RPL3L: variants seen among roughly 807,000 people sequenced by gnomAD.
RPL3L encodes ribosomal protein uL3-like.
Under a neutral mutation model 44.5 loss-of-function variants are expected in RPL3L, and 44 were observed. The ratio of observed to expected loss-of-function variants is 0.99; its 90% CI spans 0.78 to 1.27. The LOEUF (loss-of-function observed/expected upper bound fraction) is 1.27. Among genes scored for constraint, RPL3L ranks in the 50% most tolerant of loss-of-function variants. The pLI, the probability that RPL3L is intolerant of heterozygous loss-of-function variation, is 0.00. For missense variants in RPL3L, 631 were observed against 569.1 expected (o/e 1.11, Z -1.11); for synonymous variants, 292 against 230.7 (o/e 1.27, Z -2.41).
chr16:1,950,721 G>T, intron 4 of RPL3L, 123 bp downstream of exon 4: 1 of 1,486,906 alleles, frequency 6.7e-7, no homozygotes, highest in Non-Finnish European at 9.2e-7. Flanking sequence ...CTGGTCAGCC[G>T]CTCCTCTGGG....
At chr16:1,946,581 T>A (rs1248635507) in intron 7 of RPL3L, 44 bp downstream of exon 7, 8 of 1,586,858 alleles carry the variant, frequency 5.0e-6, no homozygotes, top group Non-Finnish European at 6.9e-6. Context: ...CCAGCCATCA[T>A]CAGCGGTGTG....
intron 7 of RPL3L, 80 bp downstream of exon 7, chr16:1,946,545 G>T: frequency 6.9e-7 from 1 of 1,439,712 alleles, no homozygotes; most frequent in Non-Finnish European, 9.6e-7. Context: ...ATGTATACCA[G>T]GCCCCCCGGC....
Position 1,954,075 on chromosome 16 carries a change from C to T in RPL3L, c.77G>A (p.Arg26Gln), listed in dbSNP as rs998744992. 10 of 1,604,300 alleles carry T rather than the reference C, an allele frequency of 6.2e-6. No homozygotes were observed. The highest frequency in any genetic ancestry group is 1.7e-4 in the Middle Eastern group (1 of 6,058). The stretch of plus-strand genomic sequence containing the variant: ...CCGCGGCCACGTCTTCACCTTGCCC[C>T]GGTGCCGGTGGCTCCTCTTATGGGG... ...FLPHKRSHRH[R>Q]GKVKTWPRDD... The change falls in exon 2 of 10, where the codon CGG becomes CAG. Residue 26 changes from arginine to glutamine, a missense_variant. Arg to Gln is a conservative substitution (Grantham distance 43, BLOSUM62 1). Transcript: ENST00000268661.
chr16:1,952,895 C>T lies in RPL3L; in HGVS notation c.344G>A (p.Arg115Gln), dbSNP rs181595812. The T allele has an allele frequency of 6.0e-4, 968 of 1,613,900 alleles. 8 individuals carry two copies. In the East Asian group the frequency reaches 9.1e-3, roughly 15 times the overall value. Residue 115 changes from arginine to glutamine, a missense_variant, in exon 3 of 10, where the codon CGG becomes CAG. By Grantham distance (43) the Arg-to-Gln change is conservative. Transcript: ENST00000268661. ...TCACCAGTCCTTGTAGAATCGGCGC[C>T]GGCACTCATCACTGAGGTGTTCTGC... ...IFAEHLSDEC[R>Q]RRFYKDWHKS...
chr16:1,945,568 C>CT lies in RPL3L; in HGVS notation c.1097dup (p.Phe367ValfsTer3). The CT allele has an allele frequency of 3.1e-6, 5 of 1,613,900 alleles. No homozygotes were observed. The highest frequency in any genetic ancestry group is 4.2e-6 in the Non-Finnish European group (5 of 1,179,960). ...CGAACTTGGAGGTGGTGTCAATGAACTTGAGCTCAATATTCTCCACGGCTT... is the reference window on the plus strand; with the variant it reads ...CGAACTTGGAGGTGGTGTCAATGAACTTTGAGCTCAATATTCTCCACGGCTT... On this transcript the variant is annotated frameshift_variant, in exon 9 of 10. Transcript: ENST00000268661. LOFTEE classifies it high-confidence loss of function.
intron 4 of RPL3L, among the ~76,000 whole-genome samples, chr16:1,948,044 T>TC (rs778150455): frequency 6.6e-5 from 10 of 150,408 alleles, no homozygotes; most frequent in Middle Eastern, 3.2e-3. Context: ...TTCACGCCAT[T>TC]CCCCTGCCTC....
At chr16:1,951,129 AC>A in intron 3 of RPL3L, 150 bp from the exon 4 acceptor site, 2 of 1,006,498 alleles carry the variant, frequency 2.0e-6, no homozygotes, top group Non-Finnish European at 2.8e-6. Context: ...GGTTCCAGCC[AC>A]CATCTTTGAA....
At chr16:1,954,253 G>A (rs1280920723) in intron 1 of RPL3L, 105 bp from the exon 2 acceptor site, 28 of 1,225,808 alleles carry the variant, frequency 2.3e-5, no homozygotes, top group East Asian at 2.8e-5. Flanking sequence ...GCTTCAGACT[G>A]AGGCCTGTGC....
chr16:1,951,707 C>T (rs994544680), intron 3 of RPL3L, among the ~76,000 whole-genome samples: 1 of 149,980 alleles, frequency 6.7e-6, no homozygotes, highest in African/African-American at 2.4e-5. Flanking sequence ...TAACCCTCAG[C>T]AGAGTTCTGG....
intron 3 of RPL3L, among the ~76,000 whole-genome samples, chr16:1,951,516 G>A (rs950860233): frequency 2.0e-5 from 3 of 152,142 alleles, no homozygotes; most frequent in Admixed American, 2.0e-4. Context: ...ATGTAGCTGA[G>A]ACCACAGGCA....
At position 1,944,772 on chromosome 16, in the gene RPL3L, C is replaced by T. The variant is rs143751385; in HGVS notation, c.*65G>A. 2.0e-5 allele frequency: 32 copies of T among 1,606,966 alleles called. No individual in the cohort carries two copies. The highest frequency in any genetic ancestry group is 5.5e-5 in the South Asian group (5 of 90,966). ...GAGACCTCGCAGGAAGAGTCGCCTC[C>T]GGCCTTTGTTAGACATTGGGGCAGA... On this transcript the variant is annotated 3_prime_UTR_variant, in exon 10 of 10. Transcript: ENST00000268661.
In RPL3L at chr16:1,945,862, G is replaced by C. The variant is rs146888945; in HGVS notation, c.1020C>G (p.Thr340=). The C allele has an allele frequency of 5.4e-4, 872 of 1,613,992 alleles. 9 individuals are homozygous for C. The African/African-American group carries it at 0.01, about 19-fold the overall frequency. ...TTCTCAGCGTAATGACCCGCTTCTT[G>C]GTACCAGCAATACAACCCTTCAGCA... ...FVMLKGCIAG[T]KKRVITLRKS... Residue 340 remains threonine, a synonymous_variant, in exon 8 of 10, where the codon ACC becomes ACG. Coordinates refer to ENST00000268661, the MANE Select transcript of RPL3L (RefSeq NM_005061.3).
At position 1,947,475 on chromosome 16, in the gene RPL3L, C is replaced by A; in HGVS notation, c.502-95G>T. On this transcript the variant is annotated intron_variant, in intron 4 of 9. Coordinates refer to ENST00000268661, the MANE Select transcript of RPL3L (RefSeq NM_005061.3). ...CAGCAGTGACCCCTGCCGCCTTCCACGCATGCATTCATTCACAGGTGTTCC... is the reference window on the plus strand; with the variant it reads ...CAGCAGTGACCCCTGCCGCCTTCCAAGCATGCATTCATTCACAGGTGTTCC... 1.0e-5 allele frequency: 14 copies of A among 1,354,284 alleles called. No individual in the cohort carries two copies. The South Asian group carries it at 1.3e-4, about 13-fold the overall frequency. The allele number at this position is 1,354,284 out of a possible 1,614,324, so 83.9% of individuals were successfully genotyped here.
chr16:1,954,233 T>G (rs574373878), intron 1 of RPL3L, 85 bp from the exon 2 acceptor site: 231 of 1,314,966 alleles, frequency 1.8e-4, no homozygotes, highest in Non-Finnish European at 2.3e-4. Flanking sequence ...CCTGGAGAAA[T>G]GGACTACAGG....
At position 1,950,951 on chromosome 16, in the gene RPL3L, T is replaced by TA; in HGVS notation, c.393_394insT (p.Lys132Ter). ...GTGTCCCGCCACCTCTTGCAGGCCT[T>TA]GGTGAAGGCTTTCTTCTTGCTCTTG... On this transcript the variant is annotated frameshift_variant, in exon 4 of 10. Transcript: ENST00000268661. LOFTEE classifies it high-confidence loss of function. 1.9e-6 allele frequency: 3 copies of TA among 1,613,998 alleles called. No homozygotes were observed. Among genetic ancestry groups the TA allele is most frequent in the Non-Finnish European group, 2.5e-6 (3 of 1,179,956 alleles).
intron 4 of RPL3L, among the ~76,000 whole-genome samples, chr16:1,950,389 G>A (rs1286695568): frequency 1.3e-5 from 2 of 152,000 alleles, no homozygotes; most frequent in Non-Finnish European, 2.9e-5. Flanking sequence ...TCAGGGTCGG[G>A]GGCACTGCTC....
At position 1,944,881 on chromosome 16, in the gene RPL3L, T is replaced by G; in HGVS notation, c.1180A>C (p.Lys394Gln). ...TCCGGCGTTTCCTTCTCCAGATGCT[T>G]CTTTTGGGGGCCCTGGTTGAGAGGG... ...EKRAFMGPQK[K>Q]HLEKETPETS... The change falls in exon 10 of 10, where the codon AAG becomes CAG. Residue 394 changes from lysine (K) to glutamine (Q), a missense_variant. Transcript: ENST00000268661. The G allele has an allele frequency of 1.9e-6, 3 of 1,613,880 alleles. No homozygotes were observed. Among genetic ancestry groups the G allele is most frequent in the South Asian group, 2.2e-5 (2 of 91,056 alleles).
intron 3 of RPL3L, among the ~76,000 whole-genome samples, chr16:1,951,348 G>C (rs1011467470): frequency 6.6e-6 from 1 of 152,160 alleles, no homozygotes; most frequent in Non-Finnish European, 1.5e-5. Context: ...TGCAGTGGGT[G>C]CCATGGCCAG....
At chr16:1,952,835 C>A (rs1251905479) in intron 3 of RPL3L, 39 bp downstream of exon 3, 1 of 1,608,882 alleles carries the variant, frequency 6.2e-7, no homozygotes, top group African/African-American at 1.3e-5. Context: ...TCTGTGGTCC[C>A]AGCAGCCCTT....
Sources: gnomAD v4.1 joint callset for allele counts (sites outside exome capture counted in the v4.1 genomes callset) on GRCh38, gnomAD v4.1.1 for gene constraint, MANE v1.5 for transcripts, NCBI Gene and HGNC (gene_info 2026-07-23, HGNC 2026-07-21) for gene names.